AGMO: variants seen among roughly 807,000 people sequenced by gnomAD.
AGMO encodes the protein alkylglycerol monooxygenase, also known as glyceryl-ether monooxygenase.
A neutral mutation model predicts 60.2 loss-of-function variants in AGMO; 75 were observed. The ratio of observed to expected loss-of-function variants is 1.25; its 90% CI spans 1.03 to 1.51. AGMO has a LOEUF of 1.51. Among genes scored for constraint, AGMO ranks in the 40% most tolerant of loss-of-function variants. The pLI is 0.00. For missense variants in AGMO, 763 were observed against 525.5 expected (o/e 1.45, Z -4.42); for synonymous variants, 261 against 177.1 (o/e 1.47, Z -3.76).
At chr7:15,141,594 C>CAAACA in the AGMO span, among the ~76,000 whole-genome samples, 1 of 151,950 alleles carries the variant, frequency 6.6e-6, no homozygotes, top group African/African-American at 2.4e-5. Flanking sequence ...TCAAAACAAA[C>CAAACA]AAACAAAACA....
At chr7:15,118,989 G>T in the AGMO span, among the ~76,000 whole-genome samples, 81 of 143,036 alleles carry the variant, frequency 5.7e-4, no homozygotes, top group African/African-American at 9.1e-4. Context: ...AGCTATTGGG[G>T]TTTTTTTTTC....
chr7:15,214,942 T>C (rs1322911803), intron 12 of AGMO, among the ~76,000 whole-genome samples: 1 of 152,070 alleles, frequency 6.6e-6, no homozygotes, highest in Non-Finnish European at 1.5e-5. Context: ...TCTTGCTATT[T>C]CTAAGTGCAT....
intron 5 of AGMO, among the ~76,000 whole-genome samples, chr7:15,394,904 C>G (rs886440696): frequency 1.3e-5 from 2 of 152,154 alleles, no homozygotes; most frequent in Non-Finnish European, 2.9e-5. Context: ...ATTAAAGTTA[C>G]TTCAATATCT....
intron 10 of AGMO, among the ~76,000 whole-genome samples, chr7:15,373,632 A>G (rs755335293): frequency 1.5e-4 from 23 of 152,140 alleles, no homozygotes; most frequent in Non-Finnish European, 2.6e-4. Context: ...CCACCAAACA[A>G]ACCTCACAAA....
At chr7:15,186,907 G>GA in the AGMO span, among the ~76,000 whole-genome samples, 1 of 152,118 alleles carries the variant, frequency 6.6e-6, no homozygotes, top group African/African-American at 2.4e-5. Context: ...GCTCATATGG[G>GA]AAAAGGAAAA....
chr7:15,414,283 G>A (rs1780694679), intron 5 of AGMO, among the ~76,000 whole-genome samples: 1 of 152,108 alleles, frequency 6.6e-6, no homozygotes, highest in Admixed American at 6.6e-5. Context: ...ACAGGCATAA[G>A]CCAGTGCACC....
intron 3 of AGMO, among the ~76,000 whole-genome samples, chr7:15,450,838 T>C (rs1167069195): frequency 6.6e-6 from 1 of 152,190 alleles, no homozygotes; most frequent in Non-Finnish European, 1.5e-5. Flanking sequence ...GCAAGTTTCC[T>C]ACATTTGAAC....
intron 12 of AGMO, among the ~76,000 whole-genome samples, chr7:15,266,136 G>C (rs1783424893): frequency 6.6e-6 from 1 of 152,008 alleles, no homozygotes; most frequent in South Asian, 2.1e-4. Flanking sequence ...AGGGGAGAAG[G>C]AATGGGAGTT....
intron 2 of AGMO, among the ~76,000 whole-genome samples, chr7:15,556,219 G>GTTTTTTTTTTTTTTTTTTTTTT (rs71004394): frequency 1.1e-5 from 1 of 91,506 alleles, no homozygotes; most frequent in Non-Finnish European, 2.2e-5. Flanking sequence ...CTCCTTTTTA[G>GTTTTTTTTTTTTTTTTTTTTTT]TTTTTTTTTT....
intron 3 of AGMO, among the ~76,000 whole-genome samples, chr7:15,473,762 T>A (rs774474917): frequency 6.6e-6 from 1 of 151,562 alleles, no homozygotes; most frequent in Non-Finnish European, 1.5e-5. Context: ...GGAAGAGACG[T>A]CAAATTGTCT....
At chr7:15,232,323 G>C (rs545660022) in intron 12 of AGMO, among the ~76,000 whole-genome samples, 20 of 152,200 alleles carry the variant, frequency 1.3e-4, no homozygotes, top group Non-Finnish European at 2.6e-4. Context: ...GTGAAGCTAA[G>C]TGACTTGCAC....
chr7:15,250,951 A>T (rs1266200060), intron 12 of AGMO, among the ~76,000 whole-genome samples: 4 of 151,504 alleles, frequency 2.6e-5, no homozygotes, highest in African/African-American at 9.8e-5. Context: ...ATCTCAAAAA[A>T]AAAAATATAT....
chr7:15,172,344 A>G, the AGMO span, among the ~76,000 whole-genome samples: 5 of 152,148 alleles, frequency 3.3e-5, no homozygotes, highest in Admixed American at 2.0e-4. Context: ...TACCTTTCCA[A>G]TTCAGCTTTC....
At chr7:15,387,372 C>CT (rs1783958377) in intron 9 of AGMO, 34 bp downstream of exon 9, 1 of 1,603,506 alleles carries the variant, frequency 6.2e-7, no homozygotes, top group African/African-American at 1.3e-5. Flanking sequence ...ATGAGACAAT[C>CT]TTCACCATCT....
chr7:15,142,645 T>C, the AGMO span, among the ~76,000 whole-genome samples: 1 of 152,198 alleles, frequency 6.6e-6, no homozygotes, highest in African/African-American at 2.4e-5. Context: ...AGACCTCAAA[T>C]AGCACAAAAG....
chr7:15,550,851 A>G (rs1170011183), intron 2 of AGMO, among the ~76,000 whole-genome samples: 1 of 141,666 alleles, frequency 7.1e-6, no homozygotes, highest in Non-Finnish European at 1.5e-5. Flanking sequence ...AAAGCCAGGC[A>G]GAGACACAAC....
intron 12 of AGMO, among the ~76,000 whole-genome samples, chr7:15,265,373 C>A (rs544178055): frequency 9.9e-5 from 15 of 152,026 alleles, no homozygotes; most frequent in African/African-American, 3.6e-4. Flanking sequence ...CGCTCAGACC[C>A]CAAGCCTCAG....
Position 15,299,830 on chromosome 7 carries a change from TACACACACAC to T in AGMO, c.1263+65674_1263+65683del, listed in dbSNP as rs756832586. Among the ~76,000 whole-genome samples the T allele has an allele frequency of 5.5e-3, 264 of 48,178 alleles. 3 individuals carry two copies. Among genetic ancestry groups the T allele is most frequent in the East Asian group, 0.028 (56 of 2,012 alleles). 31.6% of individuals were successfully genotyped at this position (48,178 alleles called of 152,430 possible). A position where few individuals can be genotyped will look rare whatever the true frequency, so the allele number is the denominator to read the frequency against. ...GAGACAGAGCAAGACTCTGTCTACATACACACACACACACACACACACACACACACACACA... is the reference window on the plus strand; with the variant it reads ...GAGACAGAGCAAGACTCTGTCTACATACACACACACACACACACACACACA... On this transcript the variant is annotated intron_variant, in intron 12 of 12. Transcript: ENST00000342526.
intron 3 of AGMO, among the ~76,000 whole-genome samples, chr7:15,449,689 A>G (rs1208801999): frequency 6.6e-6 from 1 of 152,188 alleles, no homozygotes; most frequent in Non-Finnish European, 1.5e-5. Context: ...TGCACATTAC[A>G]GTGCAGTATA....
Sources: allele counts gnomAD v4.1 joint callset (sites outside exome capture counted in the v4.1 genomes callset), GRCh38; gene constraint gnomAD v4.1.1; transcripts MANE v1.5; gene names NCBI Gene and HGNC (gene_info 2026-07-23, HGNC 2026-07-21).